TBL1X: variants seen among roughly 807,000 people sequenced by gnomAD.
TBL1X encodes F-box-like/WD repeat-containing protein TBL1X.
A neutral mutation model predicts 50.7 loss-of-function variants in TBL1X; 10 were observed. The observed-to-expected ratio is 0.20, with a 90% confidence interval of 0.12 to 0.33. TBL1X has a LOEUF of 0.33. TBL1X is among the 10% of genes least tolerant of loss of function. TBL1X has a pLI of 1.00. For synonymous variants in TBL1X, 190 were observed against 214.7 expected, an observed-to-expected ratio of 0.88 and a Z score of 1.01; for missense variants, 340 against 504.4, an observed-to-expected ratio of 0.67 and a Z score of 3.12.
chrX:9,602,943 G>A (rs1033316728), intron 2 of TBL1X, among the ~76,000 whole-genome samples: 1 of 112,462 alleles, frequency 8.9e-6, no homozygotes, highest in Non-Finnish European at 1.9e-5. Flanking sequence ...GGGAGCAGTC[G>A]TTGTGAACGA....
intron 2 of TBL1X, among the ~76,000 whole-genome samples, chrX:9,540,186 G>A (rs751925317): frequency 3.6e-5 from 4 of 112,482 alleles, no homozygotes; most frequent in Admixed American, 1.9e-4. Context: ...ACACTTATGC[G>A]TTAGCCAGGA....
chrX:9,609,336 G>GGGGTGTGTGTGTGTGTGT (rs1555900202), intron 2 of TBL1X, among the ~76,000 whole-genome samples: 2 of 94,774 alleles, frequency 2.1e-5, no homozygotes, highest in Admixed American at 1.2e-4. Flanking sequence ...TTTTCTTCCA[G>GGGGTGTGTGTGTGTGTGT]GTGTGTGTGT....
At chrX:9,514,503 C>T (rs1193565550) in intron 2 of TBL1X, among the ~76,000 whole-genome samples, 1 of 112,015 alleles carries the variant, frequency 8.9e-6, no homozygotes, top group Non-Finnish European at 1.9e-5. Flanking sequence ...ATGTTTTGTT[C>T]TCCAAAGCCC....
chrX:9,661,771 C>A (rs149564139), intron 5 of TBL1X, among the ~76,000 whole-genome samples: 1 of 111,115 alleles, frequency 9.0e-6, no homozygotes, highest in African/African-American at 3.3e-5. Context: ...AAGTTCACAG[C>A]GGGTAAGCTG....
At chrX:9,703,377 G>A (rs1252635515) in intron 12 of TBL1X, among the ~76,000 whole-genome samples, 2 of 111,283 alleles carry the variant, frequency 1.8e-5, no homozygotes, top group Non-Finnish European at 3.8e-5. Context: ...GCATCGCATG[G>A]CCTTTTCTGC....
chrX:9,674,446 G>A (rs1385083723), intron 5 of TBL1X, among the ~76,000 whole-genome samples: 1 of 111,490 alleles, frequency 9.0e-6, no homozygotes, highest in Non-Finnish European at 1.9e-5. Flanking sequence ...AGTTTTTATA[G>A]TGGCAGTGTT....
At chrX:9,640,810 T>C (rs1237089658) in intron 3 of TBL1X, among the ~76,000 whole-genome samples, 1 of 111,212 alleles carries the variant, frequency 9.0e-6, no homozygotes, top group African/African-American at 3.3e-5. Flanking sequence ...TTTAAAATAG[T>C]TTCAGTAGAG....
chrX:9,506,709 C>T (rs1341345223), intron 2 of TBL1X, among the ~76,000 whole-genome samples: 6 of 111,794 alleles, frequency 5.4e-5, no homozygotes, highest in African/African-American at 1.6e-4. Flanking sequence ...AATTCCTGCA[C>T]GCATACACCC....
intron 2 of TBL1X, among the ~76,000 whole-genome samples, chrX:9,552,412 T>TGA (rs1395861434): frequency 9.0e-6 from 1 of 111,403 alleles, no homozygotes; most frequent in Non-Finnish European, 1.9e-5. Flanking sequence ...CAAGGTTGCC[T>TGA]GAGGAGGAGT....
Position 9,647,077 on chromosome X carries a change from G to A in TBL1X, c.-42-6468G>A. ...CCCACAGAATGATGGCATATTGAGT[G>A]CTCTAACTACATACTCAATGAAATG... On this transcript the variant is annotated intron_variant, in intron 3 of 17. Transcript: ENST00000645353. Among the ~76,000 whole-genome samples the A allele has an allele frequency of 2.7e-5, 3 of 111,666 alleles. 1 individual carries two copies. In the Admixed American group the frequency reaches 2.8e-4, roughly 11 times the overall value.
intron 2 of TBL1X, among the ~76,000 whole-genome samples, chrX:9,551,652 C>A (rs1352214739): frequency 1.8e-5 from 2 of 111,349 alleles, no homozygotes; most frequent in Non-Finnish European, 3.8e-5. Flanking sequence ...GGGGGAAGAA[C>A]TGTGTTGGCC....
chrX:9,484,916 T>TAA (rs760004328), intron 1 of TBL1X, among the ~76,000 whole-genome samples: 19 of 41,311 alleles, frequency 4.6e-4, no homozygotes, highest in African/African-American at 1.5e-3. Context: ...ACCCTGGCAC[T>TAA]AAAAAAAAAA....
chrX:9,705,250 T>G lies in TBL1X; in HGVS notation c.1236+136T>G, dbSNP rs180972060. 64 of 1,058,782 alleles carry G rather than the reference T, an allele frequency of 6.0e-5. No homozygotes were observed. The African/African-American group carries it at 1.0e-3, about 17-fold the overall frequency. The allele number at this position is 1,058,782 out of a possible 1,213,427, so 87.3% of individuals were successfully genotyped here. On this transcript the variant is annotated intron_variant, in intron 13 of 17. Transcript: ENST00000645353. The stretch of plus-strand genomic sequence containing the variant: ...TGCCCCTTGGCTATTTGAGCTGTCA[T>G]GGTTACCCCATGGTAACCATGGTGG...
In TBL1X at chrX:9,692,146, G is replaced by A. The variant is rs149554270; in HGVS notation, c.783G>A (p.Leu261=). The change falls in exon 9 of 18, where the codon CTG becomes CTA. Residue 261 remains leucine, a synonymous_variant. Transcript: ENST00000645353. The part of the protein sequence containing the change: ...SGDSTARIWN[L]NENSNGGSTQ... ...ACTCAACTGCAAGGATATGGAACCT[G>A]AATGAGAATAGCAACGGGGGCTCCA... The A allele has an allele frequency of 1.7e-6, 2 of 1,210,130 alleles. No individual in the cohort carries two copies. Among genetic ancestry groups the A allele is most frequent in the African/African-American group, 3.5e-5 (2 of 57,161 alleles).
At chrX:9,601,551 C>G (rs1488944632) in intron 2 of TBL1X, among the ~76,000 whole-genome samples, 1 of 110,965 alleles carries the variant, frequency 9.0e-6, no homozygotes, top group Non-Finnish European at 1.9e-5. Context: ...CTAGTGGTGT[C>G]TTTCATCAGC....
At chrX:9,561,997 T>C (rs2082327085) in intron 2 of TBL1X, among the ~76,000 whole-genome samples, 1 of 112,168 alleles carries the variant, frequency 8.9e-6, no homozygotes, top group African/African-American at 3.2e-5. Context: ...AGTGAATAAA[T>C]AAAGTGCTTG....
intron 2 of TBL1X, among the ~76,000 whole-genome samples, chrX:9,589,753 T>C (rs1013372095): frequency 8.9e-6 from 1 of 112,009 alleles, no homozygotes. Context: ...TGTTCATTCT[T>C]GTATCCATAA....
intron 2 of TBL1X, among the ~76,000 whole-genome samples, chrX:9,600,469 C>CGGGGGGGG (rs1236527927): frequency 2.0e-3 from 23 of 11,296 alleles, no homozygotes; most frequent in African/African-American, 8.2e-3. Flanking sequence ...ATTTGGTGGG[C>CGGGGGGGG]GGGGGGGGGG....
chrX:9,661,454 G>A, intron 5 of TBL1X, among the ~76,000 whole-genome samples: 1 of 111,640 alleles, frequency 9.0e-6, no homozygotes. Context: ...GAGCCTGGGA[G>A]GTCAAGGCTG....
Sources: allele counts gnomAD v4.1 joint callset (sites outside exome capture counted in the v4.1 genomes callset), GRCh38; gene constraint gnomAD v4.1.1; transcripts MANE v1.5; gene names NCBI Gene and HGNC (gene_info 2026-07-23, HGNC 2026-07-21).